MAGI2: variants seen among roughly 807,000 people sequenced by gnomAD.
The protein encoded by MAGI2 is membrane-associated guanylate kinase, WW and PDZ domain-containing protein 2.
Under a neutral mutation model 133.3 loss-of-function variants are expected in MAGI2, and 35 were observed. The ratio of observed to expected loss-of-function variants is 0.26; its 90% CI spans 0.20 to 0.35. The LOEUF (loss-of-function observed/expected upper bound fraction) is 0.35, where lower values mean the gene tolerates loss of function less well. MAGI2 is among the 10% of genes least tolerant of loss of function. The pLI is 1.00. For synonymous variants in MAGI2, 729 were observed against 710.6 expected (o/e 1.03, Z -0.41); for missense variants, 1,636 against 1,863.4 (o/e 0.88, Z 2.25).
chr7:78,511,861 C>T (rs1360330261), intron 4 of MAGI2, among the ~76,000 whole-genome samples: 1 of 150,990 alleles, frequency 6.6e-6, no homozygotes, highest in Non-Finnish European at 1.5e-5. Context: ...TTTGGGAGGC[C>T]GAGGTGGGTG....
intron 3 of MAGI2, chr7:78,621,391 C>T (rs1342175130): frequency 6.6e-6 from 1 of 151,842 alleles, no homozygotes; most frequent in Non-Finnish European, 1.5e-5. Flanking sequence ...TATTAATAAT[C>T]AATTTATTAA....
intron 1 of MAGI2, among the ~76,000 whole-genome samples, chr7:79,195,931 A>C (rs1173854766): frequency 6.6e-6 from 1 of 151,906 alleles, no homozygotes. Context: ...GTAGAAGTAG[A>C]GAGTAGAATG....
chr7:78,232,525 C>T (rs756410455), intron 10 of MAGI2, among the ~76,000 whole-genome samples: 35 of 151,982 alleles, frequency 2.3e-4, no homozygotes, highest in African/African-American at 8.0e-4. Flanking sequence ...TTGGTGTGTG[C>T]GGGTAAGGTG....
chr7:78,550,900 G>A (rs998644905), intron 3 of MAGI2, among the ~76,000 whole-genome samples: 1 of 151,986 alleles, frequency 6.6e-6, no homozygotes, highest in African/African-American at 2.4e-5. Context: ...CTTCTTCTAA[G>A]CATGCATTTA....
chr7:78,723,869 A>G (rs1291541739), intron 2 of MAGI2, among the ~76,000 whole-genome samples: 1 of 152,168 alleles, frequency 6.6e-6, no homozygotes, highest in South Asian at 2.1e-4. Flanking sequence ...GGGAGGAGGT[A>G]AGGTTGCTGG....
chr7:78,645,410 C>A (rs573328552), intron 2 of MAGI2, among the ~76,000 whole-genome samples: 1 of 152,024 alleles, frequency 6.6e-6, no homozygotes, highest in South Asian at 2.1e-4. Flanking sequence ...AAACTAATAA[C>A]ATTTTAGCAA....
At chr7:78,141,067 T>C (rs1419399898) in intron 16 of MAGI2, among the ~76,000 whole-genome samples, 3 of 152,084 alleles carry the variant, frequency 2.0e-5, no homozygotes, top group African/African-American at 7.2e-5. Flanking sequence ...AAGTGGCAGC[T>C]CTCTTAGAAA....
chr7:79,192,034 T>G (rs1478071894), intron 1 of MAGI2, among the ~76,000 whole-genome samples: 1 of 151,852 alleles, frequency 6.6e-6, no homozygotes, highest in Non-Finnish European at 1.5e-5. Flanking sequence ...TTTTTGCATG[T>G]ACATAGAAAT....
At chr7:78,290,238 A>T (rs1487935380) in intron 9 of MAGI2, among the ~76,000 whole-genome samples, 2 of 152,174 alleles carry the variant, frequency 1.3e-5, no homozygotes, top group Non-Finnish European at 2.9e-5. Context: ...CATAGACTCA[A>T]ATTAAAGGGA....
At chr7:78,614,834 TC>T (rs1806898456) in intron 3 of MAGI2, 1 of 152,240 alleles carries the variant, frequency 6.6e-6, no homozygotes, top group Non-Finnish European at 1.5e-5. Flanking sequence ...TTCTAGCCTT[TC>T]CCTTTCAGAA....
At chr7:79,405,711 T>C (rs578143727) in intron 1 of MAGI2, among the ~76,000 whole-genome samples, 1 of 152,184 alleles carries the variant, frequency 6.6e-6, no homozygotes, top group Admixed American at 6.5e-5. Context: ...AAAAACAAAT[T>C]CAATGTCAGG....
chr7:79,383,654 T>A (rs1259732479), intron 1 of MAGI2, among the ~76,000 whole-genome samples: 1 of 151,518 alleles, frequency 6.6e-6, no homozygotes, highest in Admixed American at 6.6e-5. Context: ...GTTGTTAATA[T>A]TAAACAATAT....
intron 1 of MAGI2, among the ~76,000 whole-genome samples, chr7:79,085,205 G>A (rs969774376): frequency 7.3e-5 from 11 of 151,632 alleles, no homozygotes; most frequent in Admixed American, 7.2e-4. Flanking sequence ...AATTCTCAAT[G>A]TATCTGTCTT....
chr7:78,464,771 G>C (rs1444934210), intron 6 of MAGI2, among the ~76,000 whole-genome samples: 2 of 147,628 alleles, frequency 1.4e-5, no homozygotes, highest in African/African-American at 2.5e-5. Context: ...TGCAAAAAAT[G>C]TATTTCGTTA....
chr7:78,157,294 T>C (rs2150598651), intron 16 of MAGI2, among the ~76,000 whole-genome samples: 1 of 152,312 alleles, frequency 6.6e-6, no homozygotes, highest in South Asian at 2.1e-4. Flanking sequence ...TCATGAACTG[T>C]AGGATATATT....
At chr7:78,246,040 C>T (rs1387468156) in intron 10 of MAGI2, among the ~76,000 whole-genome samples, 1 of 152,148 alleles carries the variant, frequency 6.6e-6, no homozygotes, top group Non-Finnish European at 1.5e-5. Flanking sequence ...CCTGTGAGGC[C>T]AAGCTGCTGT....
intron 1 of MAGI2, among the ~76,000 whole-genome samples, chr7:79,327,487 A>T (rs1035563521): frequency 2.6e-5 from 4 of 152,138 alleles, no homozygotes; most frequent in Admixed American, 2.6e-4. Context: ...CCTGACACAT[A>T]AGAACAAGGT....
At chr7:79,232,105 G>A (rs968620737) in intron 1 of MAGI2, among the ~76,000 whole-genome samples, 5 of 152,088 alleles carry the variant, frequency 3.3e-5, no homozygotes, top group African/African-American at 1.2e-4. Context: ...TTACTGATTT[G>A]CGTATATTGA....
intron 3 of MAGI2, among the ~76,000 whole-genome samples, chr7:78,545,212 CTTTTTTTTTTTT>C (rs71085537): frequency 1.2e-5 from 1 of 83,130 alleles, no homozygotes; most frequent in Non-Finnish European, 2.2e-5. Context: ...TAACCTGATT[CTTTTTTTTTTTT>C]TTTTTTTTTT....
Sources: gnomAD v4.1 joint callset for allele counts (sites outside exome capture counted in the v4.1 genomes callset) on GRCh38, gnomAD v4.1.1 for gene constraint, MANE v1.5 for transcripts, NCBI Gene and HGNC (gene_info 2026-07-23, HGNC 2026-07-21) for gene names.